FCGR2B: variants seen among roughly 807,000 people sequenced by gnomAD.
FCGR2B encodes low affinity immunoglobulin gamma Fc region receptor II-b.
A neutral mutation model predicts 24.8 loss-of-function variants in FCGR2B; 18 were observed. The ratio of observed to expected loss-of-function variants is 0.73; its 90% CI spans 0.50 to 1.08. FCGR2B has a LOEUF of 1.08. Ranked by LOEUF, FCGR2B falls within the 50% of genes least tolerant of loss-of-function variation. The pLI is 0.00. For missense variants in FCGR2B, 215 were observed against 297.6 expected (o/e 0.72, Z 2.04); for synonymous variants, 79 against 109.8 (o/e 0.72, Z 1.75).
At chr1:161,674,373 G>A (rs1366492848) in intron 5 of FCGR2B, 6 of 349,792 alleles carry the variant, frequency 1.7e-5, no homozygotes, top group Admixed American at 1.1e-4. Context: ...GATGGGATAA[G>A]AGCAATGATA....
At chr1:161,673,367 G>A (rs1681856062) in intron 4 of FCGR2B, 138 bp downstream of exon 4, 1 of 1,550,794 alleles carries the variant, frequency 6.4e-7, no homozygotes, top group Non-Finnish European at 8.8e-7. Context: ...TGGTGTGGAG[G>A]CCTGGCTAAG....
intron 6 of FCGR2B, 148 bp from the exon 7 acceptor site, chr1:161,677,180 C>T: frequency 1.3e-6 from 1 of 750,530 alleles, no homozygotes; most frequent in Non-Finnish European, 2.3e-6. Context: ...GTCATATTTA[C>T]CCAGTGCTTG....
Position 161,678,117 on chromosome 1 carries a change from G to A in FCGR2B, c.*564G>A, listed in dbSNP as rs1021861999. On this transcript the variant is annotated 3_prime_UTR_variant, in exon 8 of 8. Coordinates refer to ENST00000358671, the MANE Select transcript of FCGR2B (RefSeq NM_001394477.1). ...GTGTAGACTGAACTGCCTGGGGTCTGTTTCTCTTCAGTGATGAGACTCTTA... is the reference window on the plus strand; with the variant it reads ...GTGTAGACTGAACTGCCTGGGGTCTATTTCTCTTCAGTGATGAGACTCTTA... 3.6e-5 allele frequency: 8 copies of A among 221,140 alleles called. No homozygotes were observed. The highest frequency in any genetic ancestry group is 3.6e-5 in the Non-Finnish European group (4 of 110,580). 13.7% of individuals were successfully genotyped at this position (221,140 alleles called of 1,614,324 possible).
intron 3 of FCGR2B, 127 bp from the exon 4 acceptor site, chr1:161,672,848 C>T (rs1206682146): frequency 1.4e-6 from 2 of 1,405,030 alleles, no homozygotes; most frequent in African/African-American, 2.9e-5. Context: ...GCATTAGAGT[C>T]CAGGACTGTC....
At chr1:161,671,876 C>G (rs1681697014) in intron 3 of FCGR2B, 1 of 801,388 alleles carries the variant, frequency 1.2e-6, no homozygotes, top group Non-Finnish European at 1.9e-6. Flanking sequence ...GAAGGAAATC[C>G]CTACTGCATA....
At chr1:161,675,518 A>C in intron 6 of FCGR2B, 1 of 469,822 alleles carries the variant, frequency 2.1e-6, no homozygotes, top group Non-Finnish European at 3.8e-6. Flanking sequence ...TGAGAAGAGA[A>C]ACACCAGTCC....
chr1:161,673,379 A>T, intron 4 of FCGR2B, 150 bp downstream of exon 4: 1 of 1,390,600 alleles, frequency 7.2e-7, no homozygotes, highest in South Asian at 1.3e-5. Flanking sequence ...CTGGCTAAGT[A>T]TTGACCAATG....
At position 161,671,421 on chromosome 1, in the gene FCGR2B, G is replaced by A. The variant is rs746859033; in HGVS notation, c.163G>A (p.Glu55Lys). The A allele has an allele frequency of 7.4e-6, 12 of 1,613,964 alleles. No individual in the cohort carries two copies. The highest frequency in any genetic ancestry group is 2.7e-5 in the African/African-American group (2 of 74,858). The change falls in exon 3 of 8, where the codon GAG (glutamate) becomes AAG (lysine). Residue 55 changes from glutamate (E) to lysine (K), a missense_variant. By Grantham distance (56) the Glu-to-Lys change is moderately conservative. Transcript: ENST00000358671. Reference sequence around the variant, plus strand: ...TCCCCCAAAGGCTGTGCTGAAACTCGAGCCCCAGTGGATCAACGTGCTCCA... The same window carrying A: ...TCCCCCAAAGGCTGTGCTGAAACTCAAGCCCCAGTGGATCAACGTGCTCCA... ...AAPPKAVLKL[E>K]PQWINVLQED...
intron 6 of FCGR2B, chr1:161,676,669 C>G (rs929163841): frequency 7.8e-5 from 12 of 153,164 alleles, no homozygotes; most frequent in African/African-American, 2.9e-4. Context: ...TGCATTGTCT[C>G]AGATGTCTCC....
chr1:161,674,838 G>A (rs976906547), intron 5 of FCGR2B: 1 of 159,000 alleles, frequency 6.3e-6, no homozygotes, highest in Non-Finnish European at 1.4e-5. Context: ...GGGGAGTAGA[G>A]AGGGTACTGC....
chr1:161,678,554 C>G lies in FCGR2B; in HGVS notation c.*1001C>G, dbSNP rs562723807. ...CTCAAAATGTATCCCCATATTTCAACAATGCATGACTGTACTCTTCTGCCA... is the reference window on the plus strand; with the variant it reads ...CTCAAAATGTATCCCCATATTTCAAGAATGCATGACTGTACTCTTCTGCCA... On this transcript the variant is annotated 3_prime_UTR_variant, in exon 8 of 8. Coordinates refer to ENST00000358671, the MANE Select transcript of FCGR2B (RefSeq NM_001394477.1). 1 of 213,966 alleles carries G rather than the reference C, an allele frequency of 4.7e-6. No individual in the cohort carries two copies. Among genetic ancestry groups the G allele is most frequent in the South Asian group, 1.9e-4 (1 of 5,366 alleles). 13.3% of individuals were successfully genotyped at this position (213,966 alleles called of 1,614,324 possible).
intron 2 of FCGR2B, 71 bp from the exon 3 acceptor site, chr1:161,671,321 T>C: frequency 3.7e-6 from 6 of 1,611,360 alleles, no homozygotes; most frequent in Non-Finnish European, 5.1e-6. Context: ...TGCTTTTTTG[T>C]CTGAGATTCA....
rs751539515 is a variant in FCGR2B at position 161,671,576 on chromosome 1, T to C, written c.318T>C (p.Asn106=). 9 of 1,613,974 alleles carry C rather than the reference T, an allele frequency of 5.6e-6. No homozygotes were observed. In the Admixed American group the frequency reaches 1.3e-4, roughly 24 times the overall value. ...QPSYRFKANN[N]DSGEYTCQTG... is the part of the protein sequence containing the mutation. ...GCTACAGGTTCAAGGCCAACAACAA[T>C]GACAGCGGGGAGTACACGTGCCAGA... Residue 106 remains asparagine, a synonymous_variant, in exon 3 of 8, where the codon AAT becomes AAC. Coordinates refer to ENST00000358671, the MANE Select transcript of FCGR2B (RefSeq NM_001394477.1).
upstream of FCGR2B, among the ~76,000 whole-genome samples, chr1:161,661,250 G>GAAAGAAAGAAAGAA (rs1681063559): frequency 1.9e-5 from 1 of 51,988 alleles, no homozygotes; most frequent in African/African-American, 7.1e-5. Context: ...AAGAAAGAAA[G>GAAAGAAAGAAAGAA]AAAGAAAGAA....
At chr1:161,673,608 C>G in intron 4 of FCGR2B, 1 of 644,132 alleles carries the variant, frequency 1.6e-6, no homozygotes, top group Non-Finnish European at 2.9e-6. Context: ...AAGCCTGGCA[C>G]GTCATGGACC....
chr1:161,677,419 G>A (rs1361532479), intron 7 of FCGR2B, 54 bp downstream of exon 7: 1 of 1,610,730 alleles, frequency 6.2e-7, no homozygotes, highest in African/African-American at 1.3e-5. Flanking sequence ...CTTTTCTGTT[G>A]CCTTCTTTCC....
chr1:161,650,773 A>T, the FCGR2B span, among the ~76,000 whole-genome samples: 1 of 114,018 alleles, frequency 8.8e-6, no homozygotes, highest in Non-Finnish European at 1.8e-5. Context: ...TTGAACATAA[A>T]CATACTTTGT....
chr1:161,654,260 A>C, the FCGR2B span, among the ~76,000 whole-genome samples: 1 of 129,648 alleles, frequency 7.7e-6, no homozygotes, highest in African/African-American at 2.5e-5. Flanking sequence ...TCTTGAGGAC[A>C]GGGCTTTTTC....
Position 161,677,501 on chromosome 1 carries a change from T to G in FCGR2B, c.881T>G (p.Leu294Arg). The G allele has an allele frequency of 6.2e-7, 1 of 1,614,130 alleles. No individual in the cohort carries two copies. Among genetic ancestry groups the G allele is most frequent in the Non-Finnish European group, 8.5e-7 (1 of 1,179,988 alleles). ...GCTGAGAACACAATCACCTATTCAC[T>G]TCTCATGCACCCGGATGCTCTGGAA... ...VGAENTITYS[L>R]LMHPDALEEP... The change falls in exon 8 of 8, where the codon CTT becomes CGT. Residue 294 changes from leucine (L) to arginine (R), a missense_variant. By Grantham distance (102) the Leu-to-Arg change is moderately radical. Around this residue, in one of 5 missense-constraint regions of FCGR2B, gnomAD observed 81 missense variants for 81.6 expected, o/e 0.99. Coordinates refer to ENST00000358671, the MANE Select transcript of FCGR2B (RefSeq NM_001394477.1).
Sources: gnomAD v4.1 joint callset for allele counts (sites outside exome capture counted in the v4.1 genomes callset) on GRCh38, gnomAD v4.1.1 for gene constraint, gnomAD v4.1.1 regional missense constraint, MANE v1.5 for transcripts, NCBI Gene and HGNC (gene_info 2026-07-23, HGNC 2026-07-21) for gene names.